USH2A: variants seen among roughly 807,000 people sequenced by gnomAD.
USH2A encodes usherin.
Under a neutral mutation model 538.9 loss-of-function variants are expected in USH2A, and 443 were observed. The observed-to-expected ratio is 0.82, with a 90% CI of 0.76 to 0.89. The LOEUF is 0.89. USH2A is among the 40% of genes least tolerant of loss of function. The probability of loss-of-function intolerance (pLI) is 0.00; values close to 1 mark genes in which losing one functional copy is unlikely to be tolerated. For missense variants in USH2A, 6,633 were observed against 6,324.8 expected, an observed-to-expected ratio of 1.05 and a Z score of -1.65; for synonymous variants, 2,413 against 2,273.5, an observed-to-expected ratio of 1.06 and a Z score of -1.75.
At position 215,625,234 on chromosome 1, in the gene USH2A, C is replaced by A; in HGVS notation, c.*547G>T. The A allele has an allele frequency of 1.2e-5, 2 of 166,326 alleles. No homozygotes were observed. The highest frequency in any genetic ancestry group is 5.7e-5 in the Admixed American group (1 of 17,410). The allele number at this position is 166,326 out of a possible 1,614,324, so 10.3% of individuals were successfully genotyped here. On this transcript the variant is annotated 3_prime_UTR_variant, in exon 72 of 72. Coordinates refer to ENST00000307340, the MANE Select transcript of USH2A (RefSeq NM_206933.4). ...CTTGTCAAAAAGTTTGGTAAGTAAC[C>A]CTATGTATGGTAAATAAATAGAACC...
At chr1:216,075,672 C>A (rs980624707) in intron 27 of USH2A, among the ~76,000 whole-genome samples, 48 of 152,290 alleles carry the variant, frequency 3.2e-4, no homozygotes, top group African/African-American at 1.0e-3. Flanking sequence ...TGTGAGACCA[C>A]ATGCCAGACC....
chr1:216,272,418 C>CA (rs779246853), intron 11 of USH2A, among the ~76,000 whole-genome samples: 11 of 152,096 alleles, frequency 7.2e-5, no homozygotes, highest in Non-Finnish European at 1.2e-4. Context: ...TTTCAAAGGA[C>CA]AAACTATTGC....
At chr1:215,877,453 A>G (rs111904868) in intron 43 of USH2A, among the ~76,000 whole-genome samples, 3 of 152,196 alleles carry the variant, frequency 2.0e-5, no homozygotes, top group East Asian at 1.9e-4. Flanking sequence ...TATGTGTTCA[A>G]TATTTCCAAA....
chr1:215,635,269 G>GTCTT (rs1264959223), intron 69 of USH2A, among the ~76,000 whole-genome samples: 1 of 152,098 alleles, frequency 6.6e-6, no homozygotes, highest in African/African-American at 2.4e-5. Flanking sequence ...CTACCATGTT[G>GTCTT]TCTTTACATG....
intron 60 of USH2A, among the ~76,000 whole-genome samples, chr1:215,736,644 A>G (rs1261775438): frequency 6.6e-6 from 1 of 152,022 alleles, no homozygotes; most frequent in Non-Finnish European, 1.5e-5. Context: ...TGGAAAGAAT[A>G]TAGACAATAA....
chr1:215,924,109 A>T (rs137988070), intron 38 of USH2A, among the ~76,000 whole-genome samples: 28 of 152,186 alleles, frequency 1.8e-4, no homozygotes, highest in Non-Finnish European at 3.2e-4. Flanking sequence ...GATAGTATAC[A>T]TTTGAAAATG....
At chr1:215,817,554 C>T (rs1662893515) in intron 47 of USH2A, among the ~76,000 whole-genome samples, 1 of 151,918 alleles carries the variant, frequency 6.6e-6, no homozygotes, top group Non-Finnish European at 1.5e-5. Context: ...ACCTGCTTCT[C>T]CTTTGCCTTA....
At chr1:216,254,280 T>C (rs1345783166) in intron 11 of USH2A, among the ~76,000 whole-genome samples, 1 of 152,080 alleles carries the variant, frequency 6.6e-6, no homozygotes, top group Non-Finnish European at 1.5e-5. Context: ...CAACTGAAAA[T>C]ACCCAGTTTA....
rs551275681 is a variant in USH2A, at chr1:215,782,323, T to G, written c.10586-127A>C. On this transcript the variant is annotated intron_variant, in intron 53 of 71. Coordinates refer to ENST00000307340, the MANE Select transcript of USH2A (RefSeq NM_206933.4). ...GCTTTATTTAATTTTAATTTCCTATTATATTGCTGTCTCAAGCAGTTCCTA... is the reference window on the plus strand; with the variant it reads ...GCTTTATTTAATTTTAATTTCCTATGATATTGCTGTCTCAAGCAGTTCCTA... 7.4e-5 allele frequency: 76 copies of G among 1,031,832 alleles called. 1 individual carries two copies. In the African/African-American group the frequency reaches 1.1e-3, roughly 14 times the overall value. 63.9% of individuals were successfully genotyped at this position (1,031,832 alleles called of 1,614,324 possible). A position where few individuals can be genotyped will look rare whatever the true frequency, so the allele number is the denominator to read the frequency against.
chr1:216,214,713 AG>A (rs1188508670), intron 15 of USH2A, among the ~76,000 whole-genome samples: 1 of 152,084 alleles, frequency 6.6e-6, no homozygotes, highest in Admixed American at 6.6e-5. Context: ...ACTTTAATAA[AG>A]CTGTTAATAA....
chr1:215,793,578 A>G (rs1662041936), intron 50 of USH2A, among the ~76,000 whole-genome samples: 1 of 151,322 alleles, frequency 6.6e-6, no homozygotes, highest in Admixed American at 6.6e-5. Flanking sequence ...CAAAAAAAAA[A>G]TCATTCTGTT....
At chr1:216,095,780 C>G (rs545062795) in intron 22 of USH2A, among the ~76,000 whole-genome samples, 1 of 152,268 alleles carries the variant, frequency 6.6e-6, no homozygotes, top group South Asian at 2.1e-4. Flanking sequence ...ACACTTGGTA[C>G]AATAGGCCCT....
intron 3 of USH2A, among the ~76,000 whole-genome samples, chr1:216,413,417 G>T: frequency 6.6e-6 from 1 of 152,012 alleles, no homozygotes; most frequent in East Asian, 1.9e-4. Flanking sequence ...TTTATAAAGT[G>T]TGCACATGGG....
chr1:215,801,628 G>A (rs1324106288), intron 49 of USH2A, among the ~76,000 whole-genome samples: 3 of 152,064 alleles, frequency 2.0e-5, no homozygotes, highest in Non-Finnish European at 4.4e-5. Context: ...AGAAATTAAA[G>A]AAGATAACCA....
chr1:215,814,287 A>C (rs1171448967), intron 48 of USH2A, among the ~76,000 whole-genome samples: 1 of 147,182 alleles, frequency 6.8e-6, no homozygotes, highest in Non-Finnish European at 1.5e-5. Flanking sequence ...TACATAAGAT[A>C]TAGATCTTTT....
At chr1:215,628,677 C>T (rs1189308495) in intron 71 of USH2A, 137 bp downstream of exon 71, 4 of 864,050 alleles carry the variant, frequency 4.6e-6, no homozygotes, top group Non-Finnish European at 7.9e-6. Flanking sequence ...CATTAGTAAA[C>T]CGGTTGTTAC....
chr1:215,806,761 G>T (rs973107194), intron 49 of USH2A, among the ~76,000 whole-genome samples: 7 of 152,000 alleles, frequency 4.6e-5, no homozygotes, highest in Non-Finnish European at 2.9e-5. Flanking sequence ...TAACAAGATT[G>T]CACTCCCCCA....
chr1:216,338,193 C>G (rs185090724), intron 4 of USH2A, among the ~76,000 whole-genome samples: 1 of 151,498 alleles, frequency 6.6e-6, no homozygotes, highest in Admixed American at 6.6e-5. Flanking sequence ...CTAACAATAG[C>G]TGAAGAAGGC....
intron 20 of USH2A, among the ~76,000 whole-genome samples, chr1:216,188,011 A>G (rs920246729): frequency 2.0e-5 from 3 of 151,944 alleles, no homozygotes; most frequent in African/African-American, 7.2e-5. Context: ...CATGACTTTT[A>G]GCGAATATAA....
Sources: gnomAD v4.1 joint callset for allele counts (sites outside exome capture counted in the v4.1 genomes callset) on GRCh38, gnomAD v4.1.1 for gene constraint, MANE v1.5 for transcripts, NCBI Gene and HGNC (gene_info 2026-07-23, HGNC 2026-07-21) for gene names.